Variants in TMEM205 observed in about 807,000 individuals in gnomAD.
The protein encoded by TMEM205 is transmembrane protein 205.
In TMEM205, 11 loss-of-function variants were observed where a neutral mutation model predicts 17.9. That is an observed-to-expected ratio of 0.61 (90% CI 0.39 to 1.02). The LOEUF (loss-of-function observed/expected upper bound fraction) is 1.02. Among genes scored for constraint, TMEM205 ranks in the 50% least tolerant of loss-of-function variants. The pLI, the probability that TMEM205 is intolerant of heterozygous loss-of-function variation, is 0.01. For missense variants in TMEM205, 236 were observed against 239.4 expected, an observed-to-expected ratio of 0.99 and a Z score of 0.09; for synonymous variants, 86 against 97.4, an observed-to-expected ratio of 0.88 and a Z score of 0.69.
At chr19:11,343,150 C>A (rs780529435) in intron 2 of TMEM205, 30 bp from the exon 3 acceptor site, 32 of 1,592,208 alleles carry the variant, frequency 2.0e-5, no homozygotes, top group Non-Finnish European at 2.7e-5. Context: ...AGAAGGTGAG[C>A]CATGCCTGGG....
chr19:11,345,188 A>G (rs772417664), intron 2 of TMEM205, 64 bp downstream of exon 2: 90 of 1,564,102 alleles, frequency 5.8e-5, no homozygotes, highest in Non-Finnish European at 7.6e-5. Flanking sequence ...AGGTGTAGCC[A>G]TAGGCGCTGA....
chr19:11,343,185 T>C, intron 2 of TMEM205, 65 bp from the exon 3 acceptor site: 1 of 1,499,960 alleles, frequency 6.7e-7, no homozygotes, highest in South Asian at 1.2e-5. Flanking sequence ...CTAGGGAGGG[T>C]CTTTCTGCAT....
chr19:11,343,657 C>T (rs1173207398), intron 2 of TMEM205, among the ~76,000 whole-genome samples: 1 of 151,980 alleles, frequency 6.6e-6, no homozygotes, highest in Non-Finnish European at 1.5e-5. Flanking sequence ...GGGGGCTGTC[C>T]CCCTGTAATC....
chr19:11,343,510 C>T (rs952566010), intron 2 of TMEM205, among the ~76,000 whole-genome samples: 3 of 152,204 alleles, frequency 2.0e-5, no homozygotes, highest in Non-Finnish European at 4.4e-5. Flanking sequence ...TGGCTGGGCG[C>T]AGTGGCTCAT....
rs11538746 is a variant in TMEM205, at chr19:11,345,389, G to A, written c.127C>T (p.Arg43Ter). The change falls in exon 2 of 3, where the codon CGA becomes TGA. Residue 43 changes from arginine (R) to a stop codon, truncating the protein, a stop_gained. Transcript: ENST00000354882. LOFTEE classifies it high-confidence loss of function. ...CTCTGCACTAGTCCGAAGGTATGTC[G>A]GGGAAGGCTTCGGAAAAGCAGGAAG... is the stretch of plus-strand genomic sequence containing the variant. ...SGFLLFRSLPRHTFGLVQSKL... is the reference protein window; with the variant it reads ...SGFLLFRSLP 4 of 1,614,030 alleles carry A rather than the reference G, an allele frequency of 2.5e-6. No homozygotes were observed. The highest frequency in any genetic ancestry group is 1.3e-5 in the African/African-American group (1 of 74,918).
chr19:11,343,153 T>C (rs1320223328), intron 2 of TMEM205, 33 bp from the exon 3 acceptor site: 8 of 1,586,718 alleles, frequency 5.0e-6, no homozygotes, highest in Non-Finnish European at 6.9e-6. Context: ...AGGTGAGCCA[T>C]GCCTGGGAGG....
At chr19:11,344,457 G>C (rs904267708) in intron 2 of TMEM205, among the ~76,000 whole-genome samples, 1 of 152,234 alleles carries the variant, frequency 6.6e-6, no homozygotes, top group Admixed American at 6.5e-5. Context: ...ACTTACCCAC[G>C]TCTATGAAAC....
upstream of TMEM205, chr19:11,346,479 G>A: frequency 8.7e-7 from 1 of 1,151,388 alleles, no homozygotes; most frequent in Non-Finnish European, 1.3e-6. Context: ...GGCTACTCCG[G>A]CAGGGGCGGA....
chr19:11,345,160 T>C (rs944495588), intron 2 of TMEM205, 92 bp downstream of exon 2: 25 of 1,411,656 alleles, frequency 1.8e-5, no homozygotes, highest in Admixed American at 1.4e-4. Context: ...CTAGCCTTTT[T>C]TTTTCCCCCC....
Position 11,345,548 on chromosome 19 carries a change from G to A in TMEM205, c.72C>T (p.Gly24=). Residue 24 remains glycine (G), a synonymous_variant, in exon 1 of 3, where the codon GGC becomes GGT. Coordinates refer to ENST00000354882, the MANE Select transcript of TMEM205 (RefSeq NM_198536.3). ...AGACGAAGGTCACCCACATTTGCAT[G>A]CCCCAGGCACCTGACAAGACCAGTA... ...VHLLVLSGAW[G]MQMWVTFVSG... 1.2e-6 allele frequency: 2 copies of A among 1,614,064 alleles called. No individual in the cohort carries two copies. The highest frequency in any genetic ancestry group is 1.7e-6 in the Non-Finnish European group (2 of 1,179,998).
chr19:11,345,302 A>C lies in TMEM205; in HGVS notation c.214T>G (p.Leu72Val), dbSNP rs778436693. The C allele has an allele frequency of 1.9e-6, 3 of 1,614,090 alleles. No homozygotes were observed. Among genetic ancestry groups the C allele is most frequent in the Non-Finnish European group, 2.5e-6 (3 of 1,180,034 alleles). ...MGCAFINLCI[L>V]ASQHAWAQLT... Reference sequence around the variant, plus strand: ...TGAGCCCAAGCATGCTGTGAAGCCAAGATGCAGAGGTTGATGAAGGCACAG... The same window carrying C: ...TGAGCCCAAGCATGCTGTGAAGCCACGATGCAGAGGTTGATGAAGGCACAG... Residue 72 changes from leucine (L) to valine (V), a missense_variant, in exon 2 of 3, where the codon TTG becomes GTG. By Grantham distance (32) the Leu-to-Val change is conservative. Coordinates refer to ENST00000354882, the MANE Select transcript of TMEM205 (RefSeq NM_198536.3).
At chr19:11,344,549 G>A (rs1967067500) in intron 2 of TMEM205, 1 of 152,216 alleles carries the variant, frequency 6.6e-6, no homozygotes, top group African/African-American at 2.4e-5. Flanking sequence ...CCAGAAAAAT[G>A]TGTGGAAGGG....
intron 2 of TMEM205, chr19:11,344,735 C>CAGGCT (rs1332051148): frequency 6.5e-6 from 1 of 154,702 alleles, no homozygotes; most frequent in Non-Finnish European, 1.4e-5. Flanking sequence ...GACTGTTGTA[C>CAGGCT]AGGCTGTGCA....
In TMEM205 at chr19:11,344,056, T is replaced by C. The variant is rs1364762961; in HGVS notation, c.265-936A>G. On this transcript the variant is annotated intron_variant, in intron 2 of 2. Transcript: ENST00000354882. ...GCCTCCTGGGTTCAAGCAATTCTCC[T>C]GCCTCAGCCTCCCAAATAGCTGGGA... Among the ~76,000 whole-genome samples, 3 of 150,774 alleles carry C rather than the reference T, an allele frequency of 2.0e-5. No homozygotes were observed. In the South Asian group the frequency reaches 6.4e-4, roughly 32 times the overall value.
chr19:11,344,367 A>G (rs1475279414), intron 2 of TMEM205, among the ~76,000 whole-genome samples: 1 of 152,120 alleles, frequency 6.6e-6, no homozygotes, highest in Non-Finnish European at 1.5e-5. Context: ...TAAAAGGAAA[A>G]AAAAACAGTC....
At position 11,343,038 on chromosome 19, in the gene TMEM205, G is replaced by A. The variant is rs780906608; in HGVS notation, c.347C>T (p.Ala116Val). 1.2e-6 allele frequency: 2 copies of A among 1,614,162 alleles called. No individual in the cohort carries two copies. Among genetic ancestry groups the A allele is most frequent in the Non-Finnish European group, 1.7e-6 (2 of 1,180,042 alleles). ...LEPRTTAAMW[A>V]LQTVEKERGL... is the part of the protein sequence containing the mutation. ...TCGCTCCTTCTCCACGGTTTGCAGGGCCCACATGGCAGCTGTGGTGCGGGG... is the reference window on the plus strand; with the variant it reads ...TCGCTCCTTCTCCACGGTTTGCAGGACCCACATGGCAGCTGTGGTGCGGGG... The change falls in exon 3 of 3, where the codon GCC (alanine) becomes GTC (valine). Residue 116 changes from alanine (A) to valine (V), a missense_variant. Ala to Val is a moderately conservative substitution (Grantham distance 64). Transcript: ENST00000354882.
In TMEM205 at chr19:11,342,813, T is replaced by G; in HGVS notation, c.*2A>C. 1 of 1,612,036 alleles carries G rather than the reference T, an allele frequency of 6.2e-7. No individual in the cohort carries two copies. Among genetic ancestry groups the G allele is most frequent in the South Asian group, 1.1e-5 (1 of 91,022 alleles). ...AGCATTTATTAGCATGCAGGGCCCATGCTAGAGGCTCCTTATTTCCAGGGC... is the reference window on the plus strand; with the variant it reads ...AGCATTTATTAGCATGCAGGGCCCAGGCTAGAGGCTCCTTATTTCCAGGGC... On this transcript the variant is annotated 3_prime_UTR_variant, in exon 3 of 3. Coordinates refer to ENST00000354882, the MANE Select transcript of TMEM205 (RefSeq NM_198536.3).
intron 2 of TMEM205, among the ~76,000 whole-genome samples, chr19:11,343,512 G>C (rs898408868): frequency 6.6e-6 from 1 of 152,264 alleles, no homozygotes; most frequent in Non-Finnish European, 1.5e-5. Context: ...GCTGGGCGCA[G>C]TGGCTCATGC....
In TMEM205 at chr19:11,345,427, G is replaced by A. The variant is rs985405797; in HGVS notation, c.101-12C>T. 66 of 1,613,938 alleles carry A rather than the reference G, an allele frequency of 4.1e-5. No individual in the cohort carries two copies. The highest frequency in any genetic ancestry group is 4.8e-5 in the Non-Finnish European group (57 of 1,179,988). ...GAAAAGCAGGAAGCCTGCAGGGTATGGGGACCACAGGGGTGTTAGGGCACT... is the reference window on the plus strand; with the variant it reads ...GAAAAGCAGGAAGCCTGCAGGGTATAGGGACCACAGGGGTGTTAGGGCACT... On this transcript the variant is annotated splice_polypyrimidine_tract_variant and intron_variant, in intron 1 of 2. Transcript: ENST00000354882.
Sources: gnomAD v4.1 joint callset for allele counts (sites outside exome capture counted in the v4.1 genomes callset) on GRCh38, gnomAD v4.1.1 for gene constraint, MANE v1.5 for transcripts, NCBI Gene and HGNC (gene_info 2026-07-23, HGNC 2026-07-21) for gene names.